GON4L: variants seen among roughly 807,000 people sequenced by gnomAD.
GON4L encodes gon-4 like.
A neutral mutation model predicts 211.8 loss-of-function variants in GON4L; 87 were observed. That is an observed-to-expected ratio of 0.41 (90% CI 0.35 to 0.49). GON4L has a LOEUF of 0.49. Among genes scored for constraint, GON4L ranks in the 20% least tolerant of loss-of-function variants. GON4L has a pLI of 0.15. For synonymous variants in GON4L, 875 were observed against 962.6 expected, an observed-to-expected ratio of 0.91 and a Z score of 1.68; for missense variants, 2,155 against 2,659.5, an observed-to-expected ratio of 0.81 and a Z score of 4.17.
intron 2 of GON4L, among the ~76,000 whole-genome samples, chr1:155,832,279 C>CAAAAAAAAAAAAACAAAAA (rs1669855206): frequency 1.7e-5 from 1 of 57,370 alleles, no homozygotes; most frequent in Non-Finnish European, 3.1e-5. Flanking sequence ...GACTCCGTCT[C>CAAAAAAAAAAAAACAAAAA]AAAAAAAAAA....
intron 2 of GON4L, among the ~76,000 whole-genome samples, chr1:155,829,053 T>C (rs1409857180): frequency 6.6e-6 from 1 of 152,136 alleles, no homozygotes; most frequent in African/African-American, 2.4e-5. Context: ...TCAAAACACA[T>C]GGCCAGTCTT....
intron 6 of GON4L, among the ~76,000 whole-genome samples, chr1:155,820,101 A>G (rs888771671): frequency 6.6e-6 from 1 of 151,902 alleles, no homozygotes; most frequent in Non-Finnish European, 1.5e-5. Context: ...TTTAGTAGAG[A>G]CAGAGTTTCA....
chr1:155,814,581 G>A (rs822013), intron 8 of GON4L, 132 bp from the exon 9 acceptor site: 906,595 of 922,068 alleles, frequency 0.98, 447,187 homozygotes, highest in East Asian at 1. Context: ...ACCCGTCTCT[G>A]CTAAAAATAC....
At chr1:155,800,673 G>A (rs931169288) in intron 11 of GON4L, among the ~76,000 whole-genome samples, 2 of 151,960 alleles carry the variant, frequency 1.3e-5, no homozygotes. Flanking sequence ...CCAATATGGT[G>A]AAACCCCATC....
At chr1:155,841,609 C>T (rs1158973353) in intron 2 of GON4L, among the ~76,000 whole-genome samples, 2 of 152,206 alleles carry the variant, frequency 1.3e-5, no homozygotes, top group Non-Finnish European at 2.9e-5. Flanking sequence ...GTTTAATTGG[C>T]TATAAGTCAC....
At chr1:155,811,384 T>A (rs1667748263) in intron 10 of GON4L, among the ~76,000 whole-genome samples, 1 of 67,258 alleles carries the variant, frequency 1.5e-5, no homozygotes, top group African/African-American at 6.0e-5. Flanking sequence ...AGAGCAAGAC[T>A]CCGTCTCAAA....
chr1:155,815,479 G>A (rs994024484), intron 8 of GON4L, among the ~76,000 whole-genome samples: 11 of 152,074 alleles, frequency 7.2e-5, no homozygotes, highest in Non-Finnish European at 1.5e-4. Flanking sequence ...TATTTTTAGG[G>A]GGAGGGAGGT....
At chr1:155,773,794 C>T (rs1309989818) in intron 17 of GON4L, among the ~76,000 whole-genome samples, 2 of 152,166 alleles carry the variant, frequency 1.3e-5, no homozygotes, top group Non-Finnish European at 2.9e-5. Context: ...TTTCTAGAGA[C>T]AAAACTACTA....
rs1664699514 is a variant in GON4L, at chr1:155,784,189, T to A, written c.1789-100A>T. ...GTGAAAACTATAGATTACAAGACTA[T>A]AATAATGCTGGCACCCAGAAAGAGC... On this transcript the variant is annotated intron_variant, in intron 13 of 31. Coordinates refer to ENST00000368331, the MANE Select transcript of GON4L (RefSeq NM_001282860.2). 4.0e-6 allele frequency: 6 copies of A among 1,494,698 alleles called. 1 individual carries two copies. In the South Asian group the frequency reaches 6.9e-5, roughly 17 times the overall value. The allele number at this position is 1,494,698 out of a possible 1,614,324, so 92.6% of individuals were successfully genotyped here.
At chr1:155,748,436 A>G, downstream of GON4L, 1 of 1,610,820 alleles carries the variant, frequency 6.2e-7, no homozygotes, top group Non-Finnish European at 8.5e-7. Context: ...CATCCTGGCT[A>G]CAGCCCTGGA....
chr1:155,846,009 T>C (rs183909301), intron 2 of GON4L: 16 of 205,648 alleles, frequency 7.8e-5, no homozygotes, highest in Admixed American at 1.4e-4. Context: ...CTGGAAAAAG[T>C]TGCCACAGGC....
At chr1:155,767,805 G>T (rs1406568537) in intron 19 of GON4L, among the ~76,000 whole-genome samples, 4 of 152,178 alleles carry the variant, frequency 2.6e-5, no homozygotes, top group Middle Eastern at 3.2e-3. Context: ...CATTCTGGTT[G>T]CCAGGAAGGG....
At chr1:155,847,191 T>A (rs770111433) in intron 2 of GON4L, among the ~76,000 whole-genome samples, 1 of 152,194 alleles carries the variant, frequency 6.6e-6, no homozygotes, top group African/African-American at 2.4e-5. Context: ...TTTGGACCCA[T>A]AGCTCTAGCA....
chr1:155,784,877 C>A, intron 13 of GON4L: 1 of 282,700 alleles, frequency 3.5e-6, no homozygotes, highest in Non-Finnish European at 6.9e-6. Context: ...ACTGGGAGGC[C>A]CAAGGCAGGA....
At chr1:155,800,262 T>C (rs576842158) in intron 11 of GON4L, among the ~76,000 whole-genome samples, 1 of 151,476 alleles carries the variant, frequency 6.6e-6, no homozygotes, top group African/African-American at 2.4e-5. Flanking sequence ...CATATACTTT[T>C]AAAAAATGGT....
chr1:155,826,971 G>A lies in GON4L; in HGVS notation c.563C>T (p.Ser188Phe). 1 of 1,614,098 alleles carries A rather than the reference G, an allele frequency of 6.2e-7. No homozygotes were observed. The highest frequency in any genetic ancestry group is 8.5e-7 in the Non-Finnish European group (1 of 1,179,918). ...CCTGGGCTGGCTTACTGGTTTTGCA[G>A]ATTGGCTGCCTGATGGCAGGGAAGG... ...EIPSLPSGSQSAKPVSQPRKS... is the reference protein window; with the variant it reads ...EIPSLPSGSQFAKPVSQPRKS... Residue 188 changes from serine (S) to phenylalanine (F), a missense_variant, in exon 3 of 32, where the codon TCT becomes TTT. Coordinates refer to ENST00000368331, the MANE Select transcript of GON4L (RefSeq NM_001282860.2).
intron 3 of GON4L, among the ~76,000 whole-genome samples, chr1:155,825,194 A>G (rs1481524911): frequency 6.6e-6 from 1 of 152,130 alleles, no homozygotes; most frequent in Non-Finnish European, 1.5e-5. Context: ...GAAAACATAC[A>G]TAAACTATTC....
chr1:155,856,403 C>CT (rs111851717), intron 1 of GON4L, among the ~76,000 whole-genome samples: 4,596 of 143,226 alleles, frequency 0.032, 213 homozygotes, highest in African/African-American at 0.11. Context: ...GACTTTTTTT[C>CT]TTTTTTTTTT....
chr1:155,844,723 A>G (rs1671071610), intron 2 of GON4L, among the ~76,000 whole-genome samples: 1 of 152,020 alleles, frequency 6.6e-6, no homozygotes, highest in Non-Finnish European at 1.5e-5. Context: ...ACACCACTGC[A>G]CTCCAGCCTG....
Sources: gnomAD v4.1 joint callset for allele counts (sites outside exome capture counted in the v4.1 genomes callset) on GRCh38, gnomAD v4.1.1 for gene constraint, MANE v1.5 for transcripts, NCBI Gene and HGNC (gene_info 2026-07-23, HGNC 2026-07-21) for gene names.